Variants in DIAPH3 observed in about 807,000 individuals in gnomAD.
DIAPH3 encodes protein diaphanous homolog 3.
In DIAPH3, 117 loss-of-function variants were observed where a neutral mutation model predicts 144.3. The observed-to-expected ratio is 0.81, with a 90% CI of 0.70 to 0.95. The LOEUF is 0.95. DIAPH3 is among the 40% of genes least tolerant of loss of function. The pLI, the probability that DIAPH3 is intolerant of heterozygous loss-of-function variation, is 0.00. For missense variants in DIAPH3, 1,421 were observed against 1,412.7 expected (o/e 1.01, Z -0.09); for synonymous variants, 519 against 488.9 (o/e 1.06, Z -0.81).
chr13:59,693,495 C>T (rs1012850750), intron 27 of DIAPH3, among the ~76,000 whole-genome samples: 5 of 152,128 alleles, frequency 3.3e-5, no homozygotes, highest in Non-Finnish European at 7.4e-5. Flanking sequence ...GCAAATCCCT[C>T]TCTCCTACTT....
At chr13:60,050,105 G>A (rs983868500) in intron 4 of DIAPH3, among the ~76,000 whole-genome samples, 2 of 152,160 alleles carry the variant, frequency 1.3e-5, no homozygotes, top group African/African-American at 4.8e-5. Flanking sequence ...GAGGTTGGAA[G>A]ATCACTTGAG....
intron 4 of DIAPH3, among the ~76,000 whole-genome samples, chr13:60,081,308 C>G (rs1284905701): frequency 6.6e-6 from 1 of 151,884 alleles, no homozygotes. Context: ...GGTCATGGAC[C>G]ATTAAGAGGT....
intron 4 of DIAPH3, among the ~76,000 whole-genome samples, chr13:60,058,924 A>G (rs780758023): frequency 4.6e-5 from 7 of 152,086 alleles, no homozygotes; most frequent in Admixed American, 3.3e-4. Flanking sequence ...TACAATGTAC[A>G]CTACCCAAGT....
chr13:60,063,716 C>A (rs2056853428), intron 4 of DIAPH3, among the ~76,000 whole-genome samples: 1 of 152,098 alleles, frequency 6.6e-6, no homozygotes, highest in Non-Finnish European at 1.5e-5. Context: ...CACCTGAGGT[C>A]AGGAGTTCGA....
intron 21 of DIAPH3, among the ~76,000 whole-genome samples, chr13:59,869,867 T>C (rs2044151356): frequency 6.6e-6 from 1 of 152,232 alleles, no homozygotes. Flanking sequence ...TAAGAGTTTT[T>C]GTACATTTTA....
intron 17 of DIAPH3, among the ~76,000 whole-genome samples, chr13:59,943,264 T>C (rs1226060989): frequency 6.6e-6 from 1 of 152,186 alleles, no homozygotes; most frequent in East Asian, 1.9e-4. Context: ...TCTTATTTTA[T>C]AGATATGTAA....
At chr13:59,962,194 T>C (rs555366751) in intron 17 of DIAPH3, among the ~76,000 whole-genome samples, 1 of 152,052 alleles carries the variant, frequency 6.6e-6, no homozygotes, top group African/African-American at 2.4e-5. Context: ...AATTAGAGAG[T>C]CTAAATTAAT....
chr13:60,071,317 T>C (rs1226349891), intron 4 of DIAPH3, among the ~76,000 whole-genome samples: 1 of 152,138 alleles, frequency 6.6e-6, no homozygotes, highest in Non-Finnish European at 1.5e-5. Flanking sequence ...CTGCATTGCA[T>C]TCCTCAGAGT....
At chr13:60,108,312 T>G (rs753251259) in intron 3 of DIAPH3, among the ~76,000 whole-genome samples, 2 of 152,066 alleles carry the variant, frequency 1.3e-5, no homozygotes, top group African/African-American at 4.8e-5. Flanking sequence ...AAACTAAGAT[T>G]TAAAGTATGT....
chr13:59,760,051 G>A (rs188502262), intron 27 of DIAPH3, among the ~76,000 whole-genome samples: 175 of 152,258 alleles, frequency 1.1e-3, no homozygotes, highest in African/African-American at 4.1e-3. Flanking sequence ...GTAGAAACAG[G>A]TCCTAGGCGC....
intron 17 of DIAPH3, among the ~76,000 whole-genome samples, chr13:59,928,994 C>A (rs2047887988): frequency 6.6e-6 from 1 of 152,054 alleles, no homozygotes; most frequent in Non-Finnish European, 1.5e-5. Context: ...AAGAGTGTAG[C>A]AATGTGTTTT....
At chr13:59,999,498 A>G (rs772145635) in intron 9 of DIAPH3, among the ~76,000 whole-genome samples, 5 of 152,144 alleles carry the variant, frequency 3.3e-5, no homozygotes, top group Non-Finnish European at 7.4e-5. Flanking sequence ...TGCAACTCTC[A>G]GTCTTTGACT....
chr13:59,827,780 G>A (rs341517), intron 24 of DIAPH3, among the ~76,000 whole-genome samples: 92,982 of 151,734 alleles, frequency 0.61, 28,946 homozygotes, highest in East Asian at 0.7. Context: ...AGTGGGAACC[G>A]TACATACATT....
chr13:59,809,118 G>A (rs1593506156), intron 25 of DIAPH3, among the ~76,000 whole-genome samples: 1 of 152,290 alleles, frequency 6.6e-6, no homozygotes, highest in African/African-American at 2.4e-5. Context: ...GAGACACTCT[G>A]TGTGATCAGA....
At position 59,977,205 on chromosome 13, in the gene DIAPH3, A is replaced by G. The variant is rs117670537; in HGVS notation, c.1546-2749T>C. Among the ~76,000 whole-genome samples, 32 of 151,902 alleles carry G rather than the reference A, an allele frequency of 2.1e-4. No homozygotes were observed. The East Asian group carries it at 6.2e-3, about 30-fold the overall frequency. On this transcript the variant is annotated intron_variant, in intron 14 of 27. Coordinates refer to ENST00000400324, the MANE Select transcript of DIAPH3 (RefSeq NM_001042517.2). ...AAAAGCAAACTAACAACCCTAAATC[A>G]ATTAAAAATACCAGCAATAAAGAGA...
intron 2 of DIAPH3, among the ~76,000 whole-genome samples, chr13:60,131,241 C>A (rs1231513874): frequency 1.3e-5 from 2 of 151,544 alleles, no homozygotes; most frequent in African/African-American, 2.4e-5. Flanking sequence ...CCAGCCTGGG[C>A]AACATAGGGA....
intron 15 of DIAPH3, among the ~76,000 whole-genome samples, chr13:59,971,506 GAGA>G (rs2050375767): frequency 6.6e-6 from 1 of 152,162 alleles, no homozygotes; most frequent in African/African-American, 2.4e-5. Flanking sequence ...CAGGGAAGCA[GAGA>G]AGTTCACTCA....
chr13:59,901,118 C>T (rs2140176561), intron 20 of DIAPH3, among the ~76,000 whole-genome samples: 1 of 152,322 alleles, frequency 6.6e-6, no homozygotes, highest in South Asian at 2.1e-4. Flanking sequence ...ATATTCCTCA[C>T]CTCACCCTAC....
intron 4 of DIAPH3, among the ~76,000 whole-genome samples, 189 bp from the exon 5 acceptor site, chr13:60,043,009 G>C (rs193302222): frequency 2.0e-5 from 3 of 152,264 alleles, no homozygotes; most frequent in Admixed American, 6.5e-5. Flanking sequence ...ATCCACAAAA[G>C]ATAGTAATAT....
Sources: allele counts gnomAD v4.1 joint callset (sites outside exome capture counted in the v4.1 genomes callset), GRCh38; gene constraint gnomAD v4.1.1; transcripts MANE v1.5; gene names NCBI Gene and HGNC (gene_info 2026-07-23, HGNC 2026-07-21).